MTUS1: variants seen among roughly 807,000 people sequenced by gnomAD.
MTUS1 encodes the protein microtubule associated scaffold protein 1.
Under a neutral mutation model 120.8 loss-of-function variants are expected in MTUS1, and 109 were observed. The observed-to-expected ratio is 0.90, with a 90% CI of 0.77 to 1.06. The LOEUF (loss-of-function observed/expected upper bound fraction) is 1.06. MTUS1 is among the 50% of genes least tolerant of loss of function. MTUS1 has a pLI of 0.00. For missense variants in MTUS1, 2,210 were observed against 1,486.3 expected, an observed-to-expected ratio of 1.49 and a Z score of -8.01; for synonymous variants, 737 against 550.5, an observed-to-expected ratio of 1.34 and a Z score of -4.74.
At chr8:17,771,835 A>G (rs2050047233) in intron 1 of MTUS1, among the ~76,000 whole-genome samples, 1 of 152,232 alleles carries the variant, frequency 6.6e-6, no homozygotes, top group South Asian at 2.1e-4. Context: ...ATTTAACCCA[A>G]TCTACTAGTT....
chr8:17,797,330 T>A (rs1186960759), intron 1 of MTUS1, among the ~76,000 whole-genome samples: 1 of 152,182 alleles, frequency 6.6e-6, no homozygotes, highest in Non-Finnish European at 1.5e-5. Context: ...GGAGGATAGC[T>A]TGAGCCTGGG....
In MTUS1 at chr8:17,666,309, T is replaced by C. The variant is rs147081033; in HGVS notation, c.2905+8877A>G. The stretch of plus-strand genomic sequence containing the variant: ...AAAAAAAAAAAAGGATGATTTTAAG[T>C]CAGGGACTATTCATTCTGCCTCTTC... On this transcript the variant is annotated intron_variant, in intron 8 of 14. Coordinates refer to ENST00000693296, the MANE Select transcript of MTUS1 (RefSeq NM_001363059.2). Among the ~76,000 whole-genome samples, 28 of 151,338 alleles carry C rather than the reference T, an allele frequency of 1.9e-4. 2 individuals carry two copies. The East Asian group carries it at 5.3e-3, about 28-fold the overall frequency.
intron 6 of MTUS1, among the ~76,000 whole-genome samples, chr8:17,704,377 T>C (rs1465427528): frequency 6.6e-6 from 1 of 152,148 alleles, no homozygotes; most frequent in East Asian, 1.9e-4. Context: ...TTGCCCCATG[T>C]TTTGTTTGAG....
intron 8 of MTUS1, among the ~76,000 whole-genome samples, chr8:17,662,010 G>T (rs570832993): frequency 6.6e-6 from 1 of 152,306 alleles, no homozygotes; most frequent in Admixed American, 6.5e-5. Flanking sequence ...CTGTATTAAA[G>T]GTTCTCAGAG....
At chr8:17,708,325 A>G (rs1282339379) in intron 6 of MTUS1, among the ~76,000 whole-genome samples, 1 of 152,234 alleles carries the variant, frequency 6.6e-6, no homozygotes, top group Non-Finnish European at 1.5e-5. Context: ...AAGATATACA[A>G]ATGGCCAGTA....
chr8:17,676,443 G>T (rs181798611), intron 7 of MTUS1: 6 of 658,336 alleles, frequency 9.1e-6, no homozygotes, highest in African/African-American at 9.0e-5. Flanking sequence ...AGCAGGAGGC[G>T]CGCCATTGGC....
intron 10 of MTUS1, 139 bp from the exon 11 acceptor site, chr8:17,653,637 T>A: frequency 1.6e-6 from 1 of 633,716 alleles, no homozygotes; most frequent in Non-Finnish European, 2.6e-6. Flanking sequence ...TGCTTTTATG[T>A]AAATTGGCCA....
chr8:17,646,579 C>T lies in MTUS1; in HGVS notation c.3599+403G>A, dbSNP rs529519671. Among the ~76,000 whole-genome samples the T allele has an allele frequency of 6.6e-5, 10 of 152,180 alleles. No individual in the cohort carries two copies. The South Asian group carries it at 1.9e-3, about 28-fold the overall frequency. Reference sequence around the variant, plus strand: ...CTCCAGCCTGGGCAGAAGAGTGAGACCTCATCTCAAAAAAATATATAATAA... The same window carrying T: ...CTCCAGCCTGGGCAGAAGAGTGAGATCTCATCTCAAAAAAATATATAATAA... On this transcript the variant is annotated intron_variant, in intron 14 of 14. Coordinates refer to ENST00000693296, the MANE Select transcript of MTUS1 (RefSeq NM_001363059.2).
At chr8:17,740,486 G>A (rs936277659) in intron 3 of MTUS1, among the ~76,000 whole-genome samples, 7 of 152,192 alleles carry the variant, frequency 4.6e-5, no homozygotes, top group Non-Finnish European at 5.9e-5. Flanking sequence ...ACAATCAATG[G>A]CAACAGGATC....
chr8:17,747,731 A>C (rs1384459021), intron 2 of MTUS1, among the ~76,000 whole-genome samples: 1 of 152,120 alleles, frequency 6.6e-6, no homozygotes, highest in Non-Finnish European at 1.5e-5. Flanking sequence ...AAGCGGCTTG[A>C]CTGATGTATT....
At position 17,660,391 on chromosome 8, in the gene MTUS1, T is replaced by C. The variant is rs564896778; in HGVS notation, c.2906-4326A>G. Among the ~76,000 whole-genome samples, 6 of 152,188 alleles carry C rather than the reference T, an allele frequency of 3.9e-5. No individual in the cohort carries two copies. In the South Asian group the frequency reaches 1.2e-3, roughly 32 times the overall value. On this transcript the variant is annotated intron_variant, in intron 8 of 14. Coordinates refer to ENST00000693296, the MANE Select transcript of MTUS1 (RefSeq NM_001363059.2). ...CCGTGTCAAATAATAATAATGATAA[T>C]ATTCCATTGCACGTACAGATGACAT...
rs922381677 is a variant in MTUS1 at position 17,723,803 on chromosome 8, G to A, written c.2318C>T (p.Ser773Leu). 5 of 1,601,280 alleles carry A rather than the reference G, an allele frequency of 3.1e-6. No homozygotes were observed. Among genetic ancestry groups the A allele is most frequent in the Middle Eastern group, 1.7e-4 (1 of 5,984 alleles). The change falls in exon 4 of 15, where the codon TCG becomes TTG. Residue 773 changes from serine to leucine, a missense_variant. Ser to Leu is a moderately radical substitution (Grantham distance 145, BLOSUM62 -2). Transcript: ENST00000693296. The stretch of plus-strand genomic sequence containing the variant: ...TGGTCTAGGCAAATTCACCCATGAC[G>A]ACTGTGCAGTTTTCAAGGATGTAGG... ...GKPTSLKTAQSSWVNLPRPLP... is the reference protein window; with the variant it reads ...GKPTSLKTAQLSWVNLPRPLP...
chr8:17,683,862 G>C (rs1034876151), intron 7 of MTUS1, among the ~76,000 whole-genome samples: 5 of 152,050 alleles, frequency 3.3e-5, no homozygotes, highest in African/African-American at 9.7e-5. Flanking sequence ...GATTGTTTTA[G>C]GAATAAACAG....
At chr8:17,689,986 G>T (rs1290483521) in intron 6 of MTUS1, among the ~76,000 whole-genome samples, 2 of 152,170 alleles carry the variant, frequency 1.3e-5, no homozygotes, top group African/African-American at 4.8e-5. Flanking sequence ...TCATGACTAA[G>T]ATCTCAAAAG....
At chr8:17,780,919 A>C (rs1471612838) in intron 1 of MTUS1, 1 of 152,180 alleles carries the variant, frequency 6.6e-6, no homozygotes, top group Non-Finnish European at 1.5e-5. Context: ...AAGGTAAGGG[A>C]GTGCTCACTG....
At chr8:17,709,717 T>C (rs530014607) in intron 6 of MTUS1, among the ~76,000 whole-genome samples, 1 of 152,130 alleles carries the variant, frequency 6.6e-6, no homozygotes, top group East Asian at 1.9e-4. Context: ...AAAAAATATA[T>C]ACCTTAATTT....
intron 8 of MTUS1, among the ~76,000 whole-genome samples, chr8:17,668,880 A>AT (rs1811449316): frequency 6.6e-6 from 1 of 152,164 alleles, no homozygotes; most frequent in Non-Finnish European, 1.5e-5. Context: ...CTTTGTGTCC[A>AT]TATGTGTTTG....
intron 1 of MTUS1, among the ~76,000 whole-genome samples, chr8:17,790,154 CT>C (rs1165931773): frequency 6.6e-6 from 1 of 151,992 alleles, no homozygotes; most frequent in Non-Finnish European, 1.5e-5. Flanking sequence ...CAAGACCATC[CT>C]GGCTAACATG....
chr8:17,682,086 C>A (rs1381411914), intron 7 of MTUS1, among the ~76,000 whole-genome samples: 1 of 152,162 alleles, frequency 6.6e-6, no homozygotes, highest in Non-Finnish European at 1.5e-5. Context: ...ACACTGGACA[C>A]ATCAGCTGTA....
Sources: allele counts gnomAD v4.1 joint callset (sites outside exome capture counted in the v4.1 genomes callset), GRCh38; gene constraint gnomAD v4.1.1; transcripts MANE v1.5; gene names NCBI Gene and HGNC (gene_info 2026-07-23, HGNC 2026-07-21).